Variants in PTK2 observed in about 807,000 individuals in gnomAD.
PTK2 encodes focal adhesion kinase 1.
PTK2 carries 45 observed loss-of-function variants against 150.1 expected under a neutral mutation model. The ratio of observed to expected loss-of-function variants is 0.30; its 90% CI spans 0.24 to 0.38. PTK2 has a LOEUF of 0.38. PTK2 is among the 10% of genes least tolerant of loss of function. PTK2 has a pLI of 1.00. For missense variants in PTK2, 919 were observed against 1,307.3 expected, an observed-to-expected ratio of 0.70 and a Z score of 4.58; for synonymous variants, 432 against 449.2, an observed-to-expected ratio of 0.96 and a Z score of 0.48.
chr8:140,960,608 T>C (rs1263972267), intron 1 of PTK2, among the ~76,000 whole-genome samples: 1 of 152,198 alleles, frequency 6.6e-6, no homozygotes, highest in East Asian at 1.9e-4. Flanking sequence ...CATGATCTCA[T>C]ACTGAATGAC....
chr8:140,921,248 G>C, intron 2 of PTK2: 1 of 519,484 alleles, frequency 1.9e-6, no homozygotes, highest in Non-Finnish European at 2.6e-6. Context: ...GAAAGAGGGA[G>C]GGAAAAGAGG....
intron 14 of PTK2, among the ~76,000 whole-genome samples, chr8:140,788,972 A>T (rs2100086676): frequency 6.6e-6 from 1 of 152,164 alleles, no homozygotes; most frequent in Admixed American, 6.5e-5. Context: ...GAAACATACC[A>T]AGGAAAGTAC....
At position 140,744,646 on chromosome 8, in the gene PTK2, T is replaced by TC. The variant is rs770698940; in HGVS notation, c.1634+5dup. On this transcript the variant is annotated splice_donor_region_variant and intron_variant, in intron 19 of 31. Coordinates refer to ENST00000522684, the Ensembl canonical transcript of PTK2. The stretch of plus-strand genomic sequence containing the variant: ...GGAACTTAACAGCTTTATGACTGTA[T>TC]CTTACCTGTGTACAAATCTTTTGCT... 6 of 1,530,632 alleles carry TC rather than the reference T, an allele frequency of 3.9e-6. No individual in the cohort carries two copies. The East Asian group carries it at 1.3e-4, about 34-fold the overall frequency. The allele number at this position is 1,530,632 out of a possible 1,614,324, so 94.8% of individuals were successfully genotyped here.
chr8:140,760,339 C>T (rs749477222), intron 16 of PTK2, among the ~76,000 whole-genome samples: 1 of 152,104 alleles, frequency 6.6e-6, no homozygotes, highest in Non-Finnish European at 1.5e-5. Context: ...TATTCATCAA[C>T]TGATGAAAGG....
At chr8:140,686,938 G>T in intron 26 of PTK2, 1 of 487,724 alleles carries the variant, frequency 2.1e-6, no homozygotes, top group African/African-American at 2.0e-5. Context: ...ACCCAGTGCT[G>T]GAGAACCTGC....
At chr8:140,933,330 G>A (rs2100172557) in intron 1 of PTK2, among the ~76,000 whole-genome samples, 1 of 152,130 alleles carries the variant, frequency 6.6e-6, no homozygotes, top group South Asian at 2.1e-4. Flanking sequence ...AAGAACAGGA[G>A]GGGCTAAAAA....
At chr8:140,941,581 A>G (rs182960542) in intron 1 of PTK2, among the ~76,000 whole-genome samples, 3 of 152,212 alleles carry the variant, frequency 2.0e-5, no homozygotes, top group Admixed American at 1.3e-4. Flanking sequence ...AGAACATACA[A>G]CTTTCTACTT....
chr8:140,954,104 A>G (rs1159972891), intron 1 of PTK2, among the ~76,000 whole-genome samples: 1 of 152,006 alleles, frequency 6.6e-6, no homozygotes, highest in Non-Finnish European at 1.5e-5. Context: ...CCTCCCGAGT[A>G]GCTGGGATTA....
rs139038812 is a variant in PTK2, at chr8:140,740,588, T to C, written c.1736-1481A>G. ...AATGGAATGTACACTTATTAACCTTTCTGAGAAGATATCTGTGTGAATTTG... is the reference window on the plus strand; with the variant it reads ...AATGGAATGTACACTTATTAACCTTCCTGAGAAGATATCTGTGTGAATTTG... On this transcript the variant is annotated intron_variant, in intron 20 of 31. Coordinates refer to ENST00000522684, the Ensembl canonical transcript of PTK2. Among the ~76,000 whole-genome samples, 308 of 152,338 alleles carry C rather than the reference T, an allele frequency of 2.0e-3. 1 individual carries two copies. Among genetic ancestry groups the C allele is most frequent in the African/African-American group, 6.9e-3 (287 of 41,566 alleles).
At chr8:140,681,743 C>G (rs755591297) in intron 27 of PTK2, among the ~76,000 whole-genome samples, 58 of 152,198 alleles carry the variant, frequency 3.8e-4, no homozygotes, top group Admixed American at 2.4e-3. Flanking sequence ...CGCCACTGCA[C>G]TCCAGCCTGG....
chr8:140,928,265 C>T (rs2100170448), intron 1 of PTK2, among the ~76,000 whole-genome samples: 1 of 152,056 alleles, frequency 6.6e-6, no homozygotes, highest in African/African-American at 2.4e-5. Flanking sequence ...ACCAACCTAA[C>T]ACCCATTATA....
At chr8:140,991,663 G>C (rs1281883007) in intron 1 of PTK2, among the ~76,000 whole-genome samples, 1 of 152,074 alleles carries the variant, frequency 6.6e-6, no homozygotes, top group African/African-American at 2.4e-5. Context: ...ACACCCTAAA[G>C]CAGTGGTTCA....
At chr8:140,744,933 C>T (rs2100057853) in intron 18 of PTK2, 166 bp from the exon 22 acceptor site, 1 of 413,050 alleles carries the variant, frequency 2.4e-6, no homozygotes, top group Non-Finnish European at 4.3e-6. Flanking sequence ...ATAAATGAAA[C>T]ATTTAAACTC....
chr8:140,800,414 A>G (rs775804384), intron 12 of PTK2, 45 bp downstream of exon 12: 5 of 1,483,064 alleles, frequency 3.4e-6, no homozygotes, highest in Non-Finnish European at 4.7e-6. Flanking sequence ...ACAGCTAAAT[A>G]TTTGGTAGAA....
At chr8:140,786,373 A>G (rs1161041554) in intron 14 of PTK2, among the ~76,000 whole-genome samples, 2 of 152,176 alleles carry the variant, frequency 1.3e-5, no homozygotes, top group Non-Finnish European at 2.9e-5. Flanking sequence ...CCCACATAGT[A>G]CGGTGTTTCC....
At chr8:140,928,125 C>CAA (rs2100170387) in intron 1 of PTK2, among the ~76,000 whole-genome samples, 2 of 151,088 alleles carry the variant, frequency 1.3e-5, no homozygotes, top group Admixed American at 1.3e-4. Flanking sequence ...CCTTTTTTGT[C>CAA]AATTTCCCTC....
At chr8:140,970,942 T>A (rs1483937919) in intron 1 of PTK2, among the ~76,000 whole-genome samples, 1 of 151,244 alleles carries the variant, frequency 6.6e-6, no homozygotes, top group African/African-American at 2.4e-5. Context: ...AGCTTTTCAA[T>A]AAGAACAGTT....
At chr8:140,900,732 A>C (rs1199131746) in intron 2 of PTK2, among the ~76,000 whole-genome samples, 1 of 152,118 alleles carries the variant, frequency 6.6e-6, no homozygotes, top group African/African-American at 2.4e-5. Flanking sequence ...AAAGAGAGAA[A>C]AAAAAGGAAG....
At chr8:140,824,084 G>A (rs2100110471) in intron 8 of PTK2, among the ~76,000 whole-genome samples, 1 of 152,166 alleles carries the variant, frequency 6.6e-6, no homozygotes, top group Non-Finnish European at 1.5e-5. Flanking sequence ...AATAAAGTGA[G>A]TCAATTTGGT....
Sources: gnomAD v4.1 joint callset for allele counts (sites outside exome capture counted in the v4.1 genomes callset) on GRCh38, gnomAD v4.1.1 for gene constraint, MANE v1.5 for transcripts, NCBI Gene and HGNC (gene_info 2026-07-23, HGNC 2026-07-21) for gene names.